PLCL1: variants seen among roughly 807,000 people sequenced by gnomAD.
PLCL1 encodes the protein phospholipase C like 1 (inactive).
Under a neutral mutation model 84.4 loss-of-function variants are expected in PLCL1, and 41 were observed. The ratio of observed to expected loss-of-function variants is 0.49; its 90% CI spans 0.38 to 0.63. The LOEUF (loss-of-function observed/expected upper bound fraction) is 0.63, where lower values mean the gene tolerates loss of function less well. Among genes scored for constraint, PLCL1 ranks in the 30% least tolerant of loss-of-function variants. The probability of loss-of-function intolerance (pLI) is 0.00; values close to 1 mark genes in which losing one functional copy is unlikely to be tolerated. For missense variants in PLCL1, 1,206 were observed against 1,367.8 expected (o/e 0.88, Z 1.87); for synonymous variants, 490 against 488.3 (o/e 1.00, Z -0.05).
chr2:197,996,710 A>G (rs954744925), intron 1 of PLCL1, among the ~76,000 whole-genome samples: 1 of 152,190 alleles, frequency 6.6e-6, no homozygotes, highest in Non-Finnish European at 1.5e-5. Flanking sequence ...TACATAATAC[A>G]GTTAAAAGAA....
intron 1 of PLCL1, among the ~76,000 whole-genome samples, chr2:197,945,767 A>G (rs1185748550): frequency 3.9e-5 from 6 of 152,184 alleles, no homozygotes; most frequent in Non-Finnish European, 5.9e-5. Context: ...GTGAAGCATA[A>G]TAAGTGCTAG....
chr2:197,943,397 A>G (rs1689201825), intron 1 of PLCL1, among the ~76,000 whole-genome samples: 1 of 151,962 alleles, frequency 6.6e-6, no homozygotes, highest in South Asian at 2.1e-4. Context: ...CTCTTCTCCC[A>G]TTGATTTGTC....
At position 198,149,341 on chromosome 2, in the gene PLCL1, T is replaced by A. The variant is rs1694593139; in HGVS notation, c.*2379T>A. 6.6e-6 allele frequency: 1 copy of A among 152,226 alleles called. No homozygotes were observed. Among genetic ancestry groups the A allele is most frequent in the African/African-American group, 2.4e-5 (1 of 41,458 alleles). The allele number at this position is 152,226 out of a possible 1,614,324, so 9.4% of individuals were successfully genotyped here. On this transcript the variant is annotated 3_prime_UTR_variant, in exon 6 of 6. Transcript: ENST00000428675. ...AATGTAGTGTTTTAGATATTAATTC[T>A]ATTTTTATTTATTCATTTTTACATC...
intron 1 of PLCL1, among the ~76,000 whole-genome samples, chr2:197,960,078 G>A (rs1689580588): frequency 1.3e-5 from 2 of 152,094 alleles, no homozygotes; most frequent in South Asian, 4.1e-4. Context: ...AGTGTGTGTG[G>A]TTTATCACCG....
intron 1 of PLCL1, among the ~76,000 whole-genome samples, chr2:198,020,963 T>C (rs977695891): frequency 6.6e-6 from 1 of 152,224 alleles, no homozygotes; most frequent in East Asian, 1.9e-4. Context: ...CAGCACCACA[T>C]AGCACTTATT....
At chr2:197,999,650 C>T (rs1053817258) in intron 1 of PLCL1, among the ~76,000 whole-genome samples, 1 of 152,124 alleles carries the variant, frequency 6.6e-6, no homozygotes, top group African/African-American at 2.4e-5. Flanking sequence ...CGTTGCTGCC[C>T]TAATGGATAC....
At chr2:198,069,225 T>G (rs1692406600) in intron 1 of PLCL1, among the ~76,000 whole-genome samples, 1 of 151,272 alleles carries the variant, frequency 6.6e-6, no homozygotes, top group Non-Finnish European at 1.5e-5. Flanking sequence ...GCACGGTGGC[T>G]CATGCCTGTA....
chr2:198,078,689 A>G (rs1157711488), intron 1 of PLCL1, among the ~76,000 whole-genome samples: 2 of 152,154 alleles, frequency 1.3e-5, no homozygotes, highest in African/African-American at 4.8e-5. Flanking sequence ...TTGTTCTAAC[A>G]AAGAATCATT....
intron 1 of PLCL1, among the ~76,000 whole-genome samples, chr2:197,844,998 A>T (rs900627362): frequency 2.0e-5 from 3 of 152,136 alleles, no homozygotes; most frequent in African/African-American, 7.2e-5. Flanking sequence ...ATATATTAGT[A>T]TCTTATCCAG....
At chr2:198,024,420 G>A (rs1266821179) in intron 1 of PLCL1, among the ~76,000 whole-genome samples, 1 of 150,048 alleles carries the variant, frequency 6.7e-6, no homozygotes, top group African/African-American at 2.5e-5. Context: ...GGAAAAAAAA[G>A]CATAATTATT....
chr2:197,873,967 T>A (rs1336460752), intron 1 of PLCL1, among the ~76,000 whole-genome samples: 1 of 152,226 alleles, frequency 6.6e-6, no homozygotes, highest in African/African-American at 2.4e-5. Context: ...AAGGAAATAT[T>A]TTTTAGTACT....
intron 1 of PLCL1, among the ~76,000 whole-genome samples, chr2:197,812,973 A>AC (rs1690616633): frequency 6.6e-6 from 1 of 151,950 alleles, no homozygotes; most frequent in Non-Finnish European, 1.5e-5. Context: ...TAAAGCCCAC[A>AC]CCCCACCTCC....
Position 198,088,867 on chromosome 2 carries a change from G to C in PLCL1, c.2725G>C (p.Val909Leu), listed in dbSNP as rs542167395. 6.2e-7 allele frequency: 1 copy of C among 1,603,262 alleles called. No homozygotes were observed. The highest frequency in any genetic ancestry group is 8.5e-7 in the Non-Finnish European group (1 of 1,170,162). ...GTTTTCTTCCTCACAGAATGCAATCGTGTCTATTAAGGAACTATGTGGACT... is the reference window on the plus strand; with the variant it reads ...GTTTTCTTCCTCACAGAATGCAATCCTGTCTATTAAGGAACTATGTGGACT... ...DMRENMQNAIVSIKELCGLPP... is the reference protein window; with the variant it reads ...DMRENMQNAILSIKELCGLPP... Residue 909 changes from valine to leucine, a missense_variant, in exon 3 of 6, where the codon GTG (valine) becomes CTG (leucine). Val to Leu is a conservative substitution (Grantham distance 32). Coordinates refer to ENST00000428675, the MANE Select transcript of PLCL1 (RefSeq NM_006226.4).
rs755732149 is a variant in PLCL1, at chr2:198,101,376, T to A, written c.2995+16T>A. On this transcript the variant is annotated intron_variant, in intron 4 of 5. Transcript: ENST00000428675. ...CAGAAAGCAGGTAATTGTTTTTAATTTTTTTTTCTGTTTTTTTTTTCTATT... is the reference window on the plus strand; with the variant it reads ...CAGAAAGCAGGTAATTGTTTTTAATATTTTTTTCTGTTTTTTTTTTCTATT... The A allele has an allele frequency of 3.5e-6, 5 of 1,422,444 alleles. No individual in the cohort carries two copies. Among genetic ancestry groups the A allele is most frequent in the Non-Finnish European group, 3.9e-6 (4 of 1,034,454 alleles). The allele number at this position is 1,422,444 out of a possible 1,614,324, so 88.1% of individuals were successfully genotyped here. A position where few individuals can be genotyped will look rare whatever the true frequency, so the allele number is the denominator to read the frequency against.
intron 1 of PLCL1, among the ~76,000 whole-genome samples, chr2:198,012,118 C>T (rs749759567): frequency 6.6e-6 from 1 of 152,066 alleles, no homozygotes; most frequent in African/African-American, 2.4e-5. Context: ...CAAGGGACAA[C>T]AAAAGCCTAG....
At chr2:197,967,987 T>C (rs1689781189) in intron 1 of PLCL1, among the ~76,000 whole-genome samples, 1 of 152,174 alleles carries the variant, frequency 6.6e-6, no homozygotes, top group South Asian at 2.1e-4. Context: ...TTCCCCCTGG[T>C]GATGTGTGGC....
rs569830564 is a variant in PLCL1 at position 197,860,879 on chromosome 2, C to T, written c.240+55540C>T. Among the ~76,000 whole-genome samples the T allele has an allele frequency of 1.6e-4, 25 of 152,252 alleles. No homozygotes were observed. The East Asian group carries it at 4.4e-3, about 27-fold the overall frequency. On this transcript the variant is annotated intron_variant, in intron 1 of 5. Coordinates refer to ENST00000428675, the MANE Select transcript of PLCL1 (RefSeq NM_006226.4). ...CAGAAGCTCTTTAGTTTAATTAGATCCCATTTGTCAATTTTTGCTTTTATT... is the reference window on the plus strand; with the variant it reads ...CAGAAGCTCTTTAGTTTAATTAGATTCCATTTGTCAATTTTTGCTTTTATT...
intron 1 of PLCL1, among the ~76,000 whole-genome samples, chr2:198,026,073 T>C (rs1057197590): frequency 2.6e-5 from 4 of 152,194 alleles, no homozygotes; most frequent in Admixed American, 6.6e-5. Context: ...TCCTGGGCAC[T>C]GCATCTGCCA....
intron 1 of PLCL1, among the ~76,000 whole-genome samples, chr2:197,990,897 A>G (rs1270511004): frequency 6.6e-6 from 1 of 152,164 alleles, no homozygotes; most frequent in Non-Finnish European, 1.5e-5. Context: ...TTAATATATA[A>G]TTTTATAGGA....
Sources: gnomAD v4.1 joint callset for allele counts (sites outside exome capture counted in the v4.1 genomes callset) on GRCh38, gnomAD v4.1.1 for gene constraint, MANE v1.5 for transcripts, NCBI Gene and HGNC (gene_info 2026-07-23, HGNC 2026-07-21) for gene names.